The following HERC4 variants were observed in gnomAD, a reference collection of about 807,000 sequenced individuals.
The protein encoded by HERC4 is probable E3 ubiquitin-protein ligase HERC4.
In HERC4, 28 loss-of-function variants were observed where a neutral mutation model predicts 124.3. The ratio of observed to expected loss-of-function variants is 0.23; its 90% confidence interval spans 0.17 to 0.31. The LOEUF (loss-of-function observed/expected upper bound fraction) is 0.31, where lower values mean the gene tolerates loss of function less well. HERC4 is among the 10% of genes least tolerant of loss of function. The pLI is 1.00. For missense variants in HERC4, 713 were observed against 1,229.3 expected (o/e 0.58, Z 6.28); for synonymous variants, 407 against 421.5 (o/e 0.97, Z 0.42).
intron 9 of HERC4, among the ~76,000 whole-genome samples, chr10:67,999,252 C>T (rs1365896741): frequency 6.6e-6 from 1 of 152,282 alleles, no homozygotes; most frequent in East Asian, 1.9e-4. Context: ...TAGGCCTAAT[C>T]ATCATCTTTG....
intron 3 of HERC4, 100 bp from the exon 4 acceptor site, chr10:68,044,663 T>G (rs1437066027): frequency 9.6e-7 from 1 of 1,042,846 alleles, no homozygotes; most frequent in East Asian, 2.4e-5. Flanking sequence ...CAAAACACAT[T>G]CTTCATTTTA....
chr10:67,952,119 C>T (rs1184382601), intron 19 of HERC4, among the ~76,000 whole-genome samples: 1 of 152,146 alleles, frequency 6.6e-6, no homozygotes, highest in Non-Finnish European at 1.5e-5. Flanking sequence ...TACAATTCCA[C>T]CGTCACAATT....
At chr10:68,056,097 A>G (rs759795598) in intron 3 of HERC4, among the ~76,000 whole-genome samples, 1 of 152,174 alleles carries the variant, frequency 6.6e-6, no homozygotes, top group Non-Finnish European at 1.5e-5. Context: ...TGCTAAAATT[A>G]GTTGCTTTGA....
At chr10:68,072,706 A>T (rs917538516) in intron 3 of HERC4, among the ~76,000 whole-genome samples, 177 bp downstream of exon 3, 2 of 152,170 alleles carry the variant, frequency 1.3e-5, no homozygotes, top group Admixed American at 1.3e-4. Flanking sequence ...AAAAGAAACC[A>T]CAACATAAAG....
At chr10:67,995,996 A>G in intron 9 of HERC4, 1 of 306,800 alleles carries the variant, frequency 3.3e-6, no homozygotes, top group South Asian at 2.4e-5. Context: ...CTCTTTCTCT[A>G]TCTGAAAGTG....
At chr10:68,057,320 G>A (rs1414758491) in intron 3 of HERC4, among the ~76,000 whole-genome samples, 1 of 152,120 alleles carries the variant, frequency 6.6e-6, no homozygotes, top group Non-Finnish European at 1.5e-5. Flanking sequence ...ATCATTTTGG[G>A]AAGGGCAGGG....
chr10:68,056,289 A>C (rs1227687436), intron 3 of HERC4, among the ~76,000 whole-genome samples: 1 of 152,188 alleles, frequency 6.6e-6, no homozygotes, highest in Non-Finnish European at 1.5e-5. Context: ...AAGTTCATTA[A>C]AACAAGAGTC....
chr10:68,016,673 G>A (rs1277746024), intron 8 of HERC4, among the ~76,000 whole-genome samples: 1 of 152,040 alleles, frequency 6.6e-6, no homozygotes, highest in African/African-American at 2.4e-5. Flanking sequence ...TTATAGTACT[G>A]ACTACCTGGA....
intron 8 of HERC4, among the ~76,000 whole-genome samples, chr10:68,018,346 A>C (rs1436109961): frequency 6.6e-6 from 1 of 152,190 alleles, no homozygotes; most frequent in African/African-American, 2.4e-5. Context: ...ACAATAAAAA[A>C]AACTAGGAAT....
intron 15 of HERC4, among the ~76,000 whole-genome samples, chr10:67,972,908 T>G (rs892386325): frequency 5.3e-5 from 8 of 152,152 alleles, no homozygotes; most frequent in African/African-American, 1.9e-4. Context: ...TATTATAGAA[T>G]TATAGTTAAC....
chr10:68,043,302 T>A (rs1368856584), intron 4 of HERC4, among the ~76,000 whole-genome samples: 2 of 152,180 alleles, frequency 1.3e-5, no homozygotes, highest in African/African-American at 4.8e-5. Flanking sequence ...TCTCTTTTCA[T>A]CCTAAACACA....
chr10:67,922,805 T>C lies in HERC4; in HGVS notation c.*126A>G, dbSNP rs1004105391. 1.4e-6 allele frequency: 1 copy of C among 695,376 alleles called. No individual in the cohort carries two copies. Among genetic ancestry groups the C allele is most frequent in the East Asian group, 2.5e-5 (1 of 39,958 alleles). 43.1% of individuals were successfully genotyped at this position (695,376 alleles called of 1,614,324 possible). A position where few individuals can be genotyped will look rare whatever the true frequency, so the allele number is the denominator to read the frequency against. ...ATTTTTTGGCTTCCATGAACACTCG[T>C]AGATTGAACATTCTGCAAGTAAGAA... is the stretch of plus-strand genomic sequence containing the variant. On this transcript the variant is annotated 3_prime_UTR_variant, in exon 25 of 25. Coordinates refer to ENST00000373700, the MANE Select transcript of HERC4 (RefSeq NM_015601.4).
rs541874946 is a variant in HERC4, at chr10:67,981,862, A to G, written c.1806+6801T>C. On this transcript the variant is annotated intron_variant, in intron 15 of 24. Transcript: ENST00000373700. ...AGGCTGAGACATGAGAATCACTTGA[A>G]TCGGGGGGGTGGAGGTTGCAGTGAG... Among the ~76,000 whole-genome samples the G allele has an allele frequency of 5.3e-5, 8 of 152,222 alleles. No individual in the cohort carries two copies. The South Asian group carries it at 1.2e-3, about 24-fold the overall frequency.
At chr10:68,035,821 G>C (rs1304844721) in intron 5 of HERC4, among the ~76,000 whole-genome samples, 1 of 152,082 alleles carries the variant, frequency 6.6e-6, no homozygotes, top group Non-Finnish European at 1.5e-5. Flanking sequence ...TCTCCCAGCA[G>C]GAGCCTTCCT....
chr10:67,947,839 C>CTTTTTTTT (rs34189806), intron 19 of HERC4, among the ~76,000 whole-genome samples: 422 of 107,294 alleles, frequency 3.9e-3, no homozygotes, highest in Middle Eastern at 0.019. Context: ...ACAATACACT[C>CTTTTTTTT]TTTTTTTTTT....
chr10:67,957,618 A>G (rs545300058), intron 16 of HERC4, among the ~76,000 whole-genome samples: 1 of 152,320 alleles, frequency 6.6e-6, no homozygotes, highest in African/African-American at 2.4e-5. Flanking sequence ...GTAAAATATA[A>G]AGAGTTATGA....
chr10:68,010,517 C>A, intron 9 of HERC4: 1 of 952,604 alleles, frequency 1.0e-6, no homozygotes, highest in Non-Finnish European at 1.7e-6. Context: ...TGTGACTGAT[C>A]TGCTGCAGTG....
At chr10:67,966,638 T>A in intron 16 of HERC4, 45 bp downstream of exon 16, 1 of 1,567,844 alleles carries the variant, frequency 6.4e-7, no homozygotes, top group Non-Finnish European at 8.7e-7. Flanking sequence ...TTTTATTAGA[T>A]ACATATACAT....
intron 17 of HERC4, 34 bp from the exon 18 acceptor site, chr10:67,955,164 T>A: frequency 6.4e-7 from 1 of 1,556,954 alleles, no homozygotes; most frequent in Non-Finnish European, 8.6e-7. Flanking sequence ...TTAACAGCAA[T>A]GCTACAATAA....
Sources: allele counts gnomAD v4.1 joint callset (sites outside exome capture counted in the v4.1 genomes callset), GRCh38; gene constraint gnomAD v4.1.1; transcripts MANE v1.5; gene names NCBI Gene and HGNC (gene_info 2026-07-23, HGNC 2026-07-21).